Variants in CNTN3 observed in about 807,000 individuals in gnomAD.
CNTN3 encodes the protein contactin 3.
CNTN3 carries 60 observed loss-of-function variants against 119.1 expected under a neutral mutation model. The ratio of observed to expected loss-of-function variants is 0.50; its 90% confidence interval spans 0.41 to 0.62. CNTN3 has a LOEUF of 0.62. CNTN3 is among the 20% of genes least tolerant of loss of function. CNTN3 has a pLI of 0.00. For synonymous variants in CNTN3, 450 were observed against 438.7 expected (o/e 1.03, Z -0.32); for missense variants, 1,101 against 1,242.4 (o/e 0.89, Z 1.71).
At chr3:74,269,378 A>G (rs1211320117) in intron 20 of CNTN3, among the ~76,000 whole-genome samples, 3 of 152,126 alleles carry the variant, frequency 2.0e-5, no homozygotes, top group Non-Finnish European at 4.4e-5. Context: ...ACTGGTAAGA[A>G]TGACAATATT....
At chr3:74,603,064 T>A (rs1704937208) in intron 1 of CNTN3, among the ~76,000 whole-genome samples, 2 of 152,164 alleles carry the variant, frequency 1.3e-5, no homozygotes, top group African/African-American at 4.8e-5. Context: ...ACTCCAGGGC[T>A]GGGATGGCCC....
intron 4 of CNTN3, among the ~76,000 whole-genome samples, chr3:74,465,948 C>T (rs78543721): frequency 0.023 from 3,450 of 152,176 alleles, 119 homozygotes; most frequent in African/African-American, 0.074. Context: ...GATACCAAGG[C>T]CTGAAGGCAC....
chr3:74,292,364 A>C (rs898965595), intron 19 of CNTN3, among the ~76,000 whole-genome samples: 2 of 152,158 alleles, frequency 1.3e-5, no homozygotes, highest in East Asian at 1.9e-4. Flanking sequence ...TGAGAGTTAG[A>C]GACTAGCCTG....
chr3:74,387,790 C>G (rs1388861639), intron 5 of CNTN3, among the ~76,000 whole-genome samples: 1 of 152,174 alleles, frequency 6.6e-6, no homozygotes, highest in Admixed American at 6.6e-5. Context: ...ATGCTCATCC[C>G]CATGCCATTG....
chr3:74,572,345 G>A lies in CNTN3; in HGVS notation c.-81+42046C>T, dbSNP rs372000647. Among the ~76,000 whole-genome samples the A allele has an allele frequency of 2.6e-4, 40 of 152,230 alleles. No individual in the cohort carries two copies. In the East Asian group the frequency reaches 7.5e-3, roughly 29 times the overall value. ...ATTTGAAGAAGGAGGCACAGCCCAT[G>A]ATACTCCCTGCAGCCCTGCCTGTAA... is the stretch of plus-strand genomic sequence containing the variant. On this transcript the variant is annotated intron_variant, in intron 1 of 22. Transcript: ENST00000263665.
At chr3:74,561,182 A>G (rs190396432) in intron 1 of CNTN3, among the ~76,000 whole-genome samples, 1 of 151,440 alleles carries the variant, frequency 6.6e-6, no homozygotes, top group African/African-American at 2.5e-5. Context: ...TAATAAAAAA[A>G]AAATAAAAAA....
At chr3:74,529,214 C>A (rs1703660198) in intron 1 of CNTN3, among the ~76,000 whole-genome samples, 1 of 151,882 alleles carries the variant, frequency 6.6e-6, no homozygotes, top group African/African-American at 2.4e-5. Context: ...CTTCAGTGTA[C>A]ATATATCTAT....
At chr3:74,292,559 C>T (rs1399813485) in intron 19 of CNTN3, among the ~76,000 whole-genome samples, 3 of 152,154 alleles carry the variant, frequency 2.0e-5, no homozygotes, top group African/African-American at 7.2e-5. Context: ...AGAGCGAAAA[C>T]TCCGTCTCAA....
intron 12 of CNTN3, among the ~76,000 whole-genome samples, chr3:74,335,245 G>A (rs927046623): frequency 1.3e-5 from 2 of 151,734 alleles, no homozygotes; most frequent in Non-Finnish European, 2.9e-5. Context: ...AAATGTAGGG[G>A]TAGAAATAGA....
rs375976632 is a variant in CNTN3 at position 74,369,098 on chromosome 3, T to C, written c.946+91A>G. 62 of 891,532 alleles carry C rather than the reference T, an allele frequency of 7.0e-5. No individual in the cohort carries two copies. In the East Asian group the frequency reaches 1.1e-3, roughly 15 times the overall value. The allele number at this position is 891,532 out of a possible 1,614,324, so 55.2% of individuals were successfully genotyped here. A position where few individuals can be genotyped will look rare whatever the true frequency, so the allele number is the denominator to read the frequency against. ...ACCAACAAGTTGAACATTGGGATTC[T>C]GCTATAATCTCTCACCCCTAAATAA... On this transcript the variant is annotated intron_variant, in intron 8 of 22. Transcript: ENST00000263665.
At chr3:74,335,091 A>G (rs761826132) in intron 12 of CNTN3, among the ~76,000 whole-genome samples, 181 bp from the exon 13 acceptor site, 19 of 152,202 alleles carry the variant, frequency 1.2e-4, no homozygotes, top group Non-Finnish European at 2.6e-4. Flanking sequence ...GCAGAGCTAC[A>G]TTTCACTGGA....
chr3:74,553,002 A>T (rs1007295133), intron 1 of CNTN3, among the ~76,000 whole-genome samples: 1 of 152,154 alleles, frequency 6.6e-6, no homozygotes, highest in Admixed American at 6.5e-5. Context: ...TTTGTTACAT[A>T]GGTATACACG....
At chr3:74,525,278 G>A (rs553743696) in intron 1 of CNTN3, among the ~76,000 whole-genome samples, 88 of 151,884 alleles carry the variant, frequency 5.8e-4, no homozygotes, top group Middle Eastern at 6.8e-3. Context: ...TCATTTATAC[G>A]TACACACATG....
rs145778207 is a variant in CNTN3, at chr3:74,551,073, A to G, written c.-80-29881T>C. Among the ~76,000 whole-genome samples the G allele has an allele frequency of 1.4e-3, 208 of 152,304 alleles. 3 individuals carry two copies. The highest frequency in any genetic ancestry group is 4.6e-3 in the African/African-American group (193 of 41,566). On this transcript the variant is annotated intron_variant, in intron 1 of 22. Coordinates refer to ENST00000263665, the MANE Select transcript of CNTN3 (RefSeq NM_020872.3). The stretch of plus-strand genomic sequence containing the variant: ...GATTACATGAGACTCCTTGTACCTT[A>G]GAAGGTGCAGTAATTCATCCTGACA...
chr3:74,293,485 CTT>C (rs1228448978), intron 19 of CNTN3, among the ~76,000 whole-genome samples: 4 of 152,108 alleles, frequency 2.6e-5, no homozygotes, highest in African/African-American at 9.7e-5. Context: ...GCTGCCCCCA[CTT>C]TTTTTGAGAT....
At chr3:74,353,485 C>T (rs1008666413) in intron 11 of CNTN3, among the ~76,000 whole-genome samples, 1 of 152,138 alleles carries the variant, frequency 6.6e-6, no homozygotes, top group African/African-American at 2.4e-5. Flanking sequence ...GGCCGGGTGC[C>T]GTGGCTCACG....
chr3:74,571,393 G>A (rs1319945134), intron 1 of CNTN3, among the ~76,000 whole-genome samples: 1 of 152,086 alleles, frequency 6.6e-6, no homozygotes, highest in Non-Finnish European at 1.5e-5. Context: ...CTGGGCATTG[G>A]GCTTACATGA....
At chr3:74,484,384 AG>A (rs760317131) in intron 4 of CNTN3, among the ~76,000 whole-genome samples, 1 of 152,192 alleles carries the variant, frequency 6.6e-6, no homozygotes, top group Non-Finnish European at 1.5e-5. Flanking sequence ...AATATGAATC[AG>A]GAACAGGAAG....
At chr3:74,409,518 T>C (rs1484522291) in intron 5 of CNTN3, among the ~76,000 whole-genome samples, 1 of 152,196 alleles carries the variant, frequency 6.6e-6, no homozygotes, top group Non-Finnish European at 1.5e-5. Flanking sequence ...CTAAAGTTTT[T>C]TTTTTTTAAC....
Sources: gnomAD v4.1 joint callset for allele counts (sites outside exome capture counted in the v4.1 genomes callset) on GRCh38, gnomAD v4.1.1 for gene constraint, MANE v1.5 for transcripts, NCBI Gene and HGNC (gene_info 2026-07-23, HGNC 2026-07-21) for gene names.